The following DOP1A variants were observed in gnomAD, a reference collection of about 807,000 sequenced individuals.
DOP1A encodes DOP1 leucine zipper like protein A.
Under a neutral mutation model 267.6 loss-of-function variants are expected in DOP1A, and 90 were observed. The observed-to-expected ratio is 0.34, with a 90% CI of 0.28 to 0.40. The LOEUF (loss-of-function observed/expected upper bound fraction) is 0.40. DOP1A is among the 10% of genes least tolerant of loss of function. DOP1A has a pLI of 1.00. For missense variants in DOP1A, 2,437 were observed against 2,900.4 expected, an observed-to-expected ratio of 0.84 and a Z score of 3.67; for synonymous variants, 932 against 999.1, an observed-to-expected ratio of 0.93 and a Z score of 1.27.
rs888169947 is a variant in DOP1A, at chr6:83,129,238, C to T, written c.2071C>T (p.Leu691Phe). ...ACAGTTTCTTACCAGACTTATCAAC[C>T]TCTACATCATTCAGAATAACTCTTT... ...VQQFLTRLIN[L>F]YIIQNNSFSQ... is the part of the protein sequence containing the mutation. The change falls in exon 16 of 39, where the codon CTC (leucine) becomes TTC (phenylalanine). Residue 691 changes from leucine (L) to phenylalanine (F), a missense_variant. Physicochemically the swap from Leu to Phe is conservative, Grantham distance 22. This residue lies in a region of DOP1A where 498 missense variants were observed against 513.5 expected (regional missense o/e 0.97). Coordinates refer to ENST00000349129, the MANE Select transcript of DOP1A (RefSeq NM_015018.4). 1.2e-6 allele frequency: 2 copies of T among 1,613,408 alleles called. No individual in the cohort carries two copies. The highest frequency in any genetic ancestry group is 2.7e-5 in the African/African-American group (2 of 74,920).
At chr6:83,168,681 C>G (rs1786416969), downstream of DOP1A, 1 of 995,198 alleles carries the variant, frequency 1.0e-6, no homozygotes, top group African/African-American at 1.7e-5. Context: ...GCATGAGCAT[C>G]TCCACCTCAG....
rs1184194226 is a variant in DOP1A at position 83,110,327 on chromosome 6, A to T, written c.681+13A>T. 1.9e-6 allele frequency: 3 copies of T among 1,608,734 alleles called. No individual in the cohort carries two copies. Among genetic ancestry groups the T allele is most frequent in the Non-Finnish European group, 2.5e-6 (3 of 1,177,040 alleles). On this transcript the variant is annotated intron_variant, in intron 6 of 38. Coordinates refer to ENST00000349129, the MANE Select transcript of DOP1A (RefSeq NM_015018.4). Reference sequence around the variant, plus strand: ...TATTGAGCTAATGGTAGGTCTAAAAATATGGTTGCTCATTTCACAAATATT... The same window carrying T: ...TATTGAGCTAATGGTAGGTCTAAAATTATGGTTGCTCATTTCACAAATATT...
chr6:83,079,748 T>C (rs1335908487), intron 1 of DOP1A, among the ~76,000 whole-genome samples: 1 of 152,166 alleles, frequency 6.6e-6, no homozygotes, highest in Non-Finnish European at 1.5e-5. Flanking sequence ...TTTTAGCATA[T>C]GTAAAAGTTT....
At chr6:83,120,639 G>A (rs748169584) in intron 9 of DOP1A, 44 bp from the exon 10 acceptor site, 12 of 1,416,704 alleles carry the variant, frequency 8.5e-6, no homozygotes, top group Admixed American at 3.8e-5. Flanking sequence ...AAAAATATTT[G>A]AATATGTTTA....
At chr6:83,101,271 C>T (rs1772534556) in intron 4 of DOP1A, among the ~76,000 whole-genome samples, 1 of 152,232 alleles carries the variant, frequency 6.6e-6, no homozygotes, top group Non-Finnish European at 1.5e-5. Flanking sequence ...CTGCCTCTGC[C>T]TCCCAAAGTG....
rs747476527 is a variant in DOP1A, at chr6:83,162,759, A to G, written c.6963-31A>G. On this transcript the variant is annotated intron_variant, in intron 37 of 38. Transcript: ENST00000349129. ...TCTTAGATGGCACAAAGTCTGTCTT[A>G]CTGATGCTGATGTCATTATTCTATA... 41 of 1,585,206 alleles carry G rather than the reference A, an allele frequency of 2.6e-5. No homozygotes were observed. The Middle Eastern group carries it at 1.9e-3, about 72-fold the overall frequency.
intron 1 of DOP1A, among the ~76,000 whole-genome samples, chr6:83,075,730 C>T (rs964172495): frequency 3.0e-4 from 45 of 152,214 alleles, no homozygotes; most frequent in African/African-American, 8.7e-4. Flanking sequence ...GGTGCCAAGA[C>T]GACTCAGTCA....
intron 27 of DOP1A, among the ~76,000 whole-genome samples, chr6:83,150,449 T>C (rs1041668631): frequency 6.6e-6 from 1 of 152,238 alleles, no homozygotes; most frequent in African/African-American, 2.4e-5. Flanking sequence ...TTTCAACATG[T>C]GCATATTCTG....
intron 12 of DOP1A, among the ~76,000 whole-genome samples, chr6:83,123,848 T>A (rs1438478987): frequency 6.6e-6 from 1 of 151,912 alleles, no homozygotes; most frequent in Non-Finnish European, 1.5e-5. Context: ...CTACCCTGGG[T>A]TTTTACCTTC....
intron 35 of DOP1A, among the ~76,000 whole-genome samples, chr6:83,157,719 A>G (rs113098668): frequency 6.6e-5 from 10 of 152,140 alleles, no homozygotes; most frequent in Non-Finnish European, 1.2e-4. Context: ...TATTACATAT[A>G]CTCACTCTTG....
intron 1 of DOP1A, among the ~76,000 whole-genome samples, chr6:83,084,582 GT>G (rs1768733249): frequency 6.6e-6 from 1 of 151,626 alleles, no homozygotes; most frequent in East Asian, 1.9e-4. Context: ...TGTTTTTTTT[GT>G]TTTGTTTTGT....
intron 1 of DOP1A, among the ~76,000 whole-genome samples, chr6:83,087,915 G>A (rs957337705): frequency 3.9e-5 from 6 of 151,930 alleles, no homozygotes; most frequent in Non-Finnish European, 1.5e-5. Flanking sequence ...TTTGTTGCCC[G>A]GGCTGGAGTG....
intron 1 of DOP1A, among the ~76,000 whole-genome samples, chr6:83,072,774 T>C (rs1031351677): frequency 6.6e-6 from 1 of 152,258 alleles, no homozygotes; most frequent in African/African-American, 2.4e-5. Context: ...ACCTTTAGAA[T>C]ATGTGTTATT....
chr6:83,119,901 A>G lies in DOP1A; in HGVS notation c.990+44A>G, dbSNP rs780646231. On this transcript the variant is annotated intron_variant, in intron 9 of 38. Transcript: ENST00000349129. ...ATTCTTTGGTTACTTACTGACCACT[A>G]GAGGTAGTGAAAAAGTGTAAGACGA... The G allele has an allele frequency of 3.3e-6, 5 of 1,496,544 alleles. No individual in the cohort carries two copies. The Admixed American group carries it at 5.2e-5, about 15-fold the overall frequency. The allele number at this position is 1,496,544 out of a possible 1,614,324, so 92.7% of individuals were successfully genotyped here. A position where few individuals can be genotyped will look rare whatever the true frequency, so the allele number is the denominator to read the frequency against.
In DOP1A at chr6:83,126,331, C is replaced by A. The variant is rs144193891; in HGVS notation, c.1719+598C>A. 7.6e-3 allele frequency among the ~76,000 whole-genome samples: 1,161 copies of A among 151,910 alleles called. 14 individuals are homozygous for A. The highest frequency in any genetic ancestry group is 0.026 in the African/African-American group (1,058 of 41,404). Reference sequence around the variant, plus strand: ...TGGGAGGAGAGGTTCTCAATCTGGTCTGTGGATTTATCCAGGACTTGTAGC... The same window carrying A: ...TGGGAGGAGAGGTTCTCAATCTGGTATGTGGATTTATCCAGGACTTGTAGC... On this transcript the variant is annotated intron_variant, in intron 15 of 38. Transcript: ENST00000349129.
At chr6:83,079,221 G>A (rs1767658743) in intron 1 of DOP1A, among the ~76,000 whole-genome samples, 1 of 152,186 alleles carries the variant, frequency 6.6e-6, no homozygotes. Context: ...CTCAGCTAAA[G>A]TGTTGGTGAC....
chr6:83,108,151 C>CTTGATGAACTTGATGAA (rs1773957798), intron 4 of DOP1A, among the ~76,000 whole-genome samples: 2 of 152,088 alleles, frequency 1.3e-5, no homozygotes, highest in Non-Finnish European at 2.9e-5. Flanking sequence ...AACTTGATGA[C>CTTGATGAACTTGATGAA]CTTGATAACT....
At chr6:83,115,013 A>C (rs970667632) in intron 7 of DOP1A, among the ~76,000 whole-genome samples, 8 of 152,302 alleles carry the variant, frequency 5.3e-5, no homozygotes, top group African/African-American at 1.9e-4. Flanking sequence ...ATATAATAGA[A>C]TACAATCCAA....
chr6:83,082,502 G>A (rs189576369), intron 1 of DOP1A, among the ~76,000 whole-genome samples: 1 of 152,164 alleles, frequency 6.6e-6, no homozygotes, highest in Admixed American at 6.5e-5. Context: ...CTTACCAGCG[G>A]CTGGGGTGGT....
Sources: gnomAD v4.1 joint callset for allele counts (sites outside exome capture counted in the v4.1 genomes callset) on GRCh38, gnomAD v4.1.1 for gene constraint, gnomAD v4.1.1 regional missense constraint, MANE v1.5 for transcripts, NCBI Gene and HGNC (gene_info 2026-07-23, HGNC 2026-07-21) for gene names.